The following POTEB3 variants were observed in gnomAD, a reference collection of about 807,000 sequenced individuals.
The protein encoded by POTEB3 is POTE ankyrin domain family member B3.
POTEB3 carries 5 observed loss-of-function variants against 39.8 expected under a neutral mutation model. That is an observed-to-expected ratio of 0.13 (90% CI 0.07 to 0.26). POTEB3 has a LOEUF of 0.26. Ranked by LOEUF, POTEB3 falls within the 10% of genes least tolerant of loss-of-function variation. POTEB3 has a pLI of 1.00. For synonymous variants in POTEB3, 5 were observed against 161.5 expected (o/e 0.03, Z 7.35); for missense variants, 24 against 475.6 (o/e 0.05, Z 8.83).
rs1156957634 is a variant in POTEB3 at position 21,434,366 on chromosome 15, G to GA, written c.810+294dup. ...ATTTTGTCATTTTACATTTGTTAGG[G>GA]AAAAAAAAACTTGGCAGGGAAAAAT... On this transcript the variant is annotated intron_variant, in intron 3 of 10. Transcript: ENST00000611217. Among the ~76,000 whole-genome samples, 24 of 111,364 alleles carry GA rather than the reference G, an allele frequency of 2.2e-4. No individual in the cohort carries two copies. In the East Asian group the frequency reaches 3.7e-3, roughly 17 times the overall value. The allele number at this position is 111,364 out of a possible 152,430, so 73.1% of individuals were successfully genotyped here.
chr15:21,431,085 A>C (rs1898944500), intron 4 of POTEB3, among the ~76,000 whole-genome samples: 1 of 149,192 alleles, frequency 6.7e-6, no homozygotes, highest in African/African-American at 2.5e-5. Flanking sequence ...TTTGTCACCC[A>C]CCTACAGCTT....
chr15:21,434,040 C>A (rs1169357842), intron 3 of POTEB3, among the ~76,000 whole-genome samples: 1 of 122,024 alleles, frequency 8.2e-6, no homozygotes, highest in African/African-American at 3.7e-5. Context: ...AACACACACA[C>A]ACACACACAC....
chr15:21,434,138 G>T (rs1899096939), intron 3 of POTEB3, among the ~76,000 whole-genome samples: 1 of 141,106 alleles, frequency 7.1e-6, no homozygotes, highest in Admixed American at 7.0e-5. Flanking sequence ...AGTTGGCCTT[G>T]GTATTTCTGA....
chr15:21,414,325 G>A (rs56005316), intron 9 of POTEB3, among the ~76,000 whole-genome samples: 576 of 119,046 alleles, frequency 4.8e-3, no homozygotes, highest in African/African-American at 0.027. Flanking sequence ...TTTTAAAAAA[G>A]GAAAACAGAT....
In POTEB3 at chr15:21,411,024, T is replaced by G. The variant is rs1898311871; in HGVS notation, c.1410-23A>C. On this transcript the variant is annotated intron_variant, in intron 9 of 10. Transcript: ENST00000611217. Reference sequence around the variant, plus strand: ...TCACTAGAAGAAATTTTAATTTTCATGAAATACTGGAGGTGTCCCTAAAAT... The same window carrying G: ...TCACTAGAAGAAATTTTAATTTTCAGGAAATACTGGAGGTGTCCCTAAAAT... 5.6e-6 allele frequency: 6 copies of G among 1,069,614 alleles called. 2 individuals are homozygous for G. Among genetic ancestry groups the G allele is most frequent in the Non-Finnish European group, 7.4e-6 (6 of 811,488 alleles). The allele number at this position is 1,069,614 out of a possible 1,614,324, so 66.3% of individuals were successfully genotyped here.
intron 6 of POTEB3, among the ~76,000 whole-genome samples, chr15:21,422,802 G>T (rs1467459942): frequency 1.3e-5 from 2 of 151,534 alleles, no homozygotes; most frequent in African/African-American, 4.9e-5. Flanking sequence ...CTATGCAGTG[G>T]TTGCAAAACT....
intron 5 of POTEB3, among the ~76,000 whole-genome samples, chr15:21,428,452 CTAT>C (rs1233115985): frequency 1.4e-5 from 2 of 142,128 alleles, no homozygotes; most frequent in African/African-American, 5.3e-5. Context: ...TGATTGTCCA[CTAT>C]TACGGAGTTG....
intron 3 of POTEB3, among the ~76,000 whole-genome samples, chr15:21,433,234 G>A (rs1184350563): frequency 5.3e-5 from 8 of 151,350 alleles, no homozygotes; most frequent in African/African-American, 1.9e-4. Context: ...AAGCAGGAGT[G>A]TATCCGGATT....
intron 9 of POTEB3, among the ~76,000 whole-genome samples, chr15:21,413,655 A>C (rs1451944930): frequency 3.0e-5 from 1 of 33,220 alleles, no homozygotes; most frequent in African/African-American, 4.8e-4. Flanking sequence ...CAGGAAACTT[A>C]CAATCATGGC....
Position 21,414,813 on chromosome 15 carries a change from C to T in POTEB3, c.1410-3812G>A, listed in dbSNP as rs1478220099. Among the ~76,000 whole-genome samples the T allele has an allele frequency of 7.6e-5, 8 of 104,754 alleles. 1 individual carries two copies. Among genetic ancestry groups the T allele is most frequent in the East Asian group, 7.1e-4 (3 of 4,242 alleles). 68.7% of individuals were successfully genotyped at this position (104,754 alleles called of 152,430 possible). A position where few individuals can be genotyped will look rare whatever the true frequency, so the allele number is the denominator to read the frequency against. ...TTTAAATAAAATACTAGTGGCCAGG[C>T]GCAGTGGCTCATGCCTGTAATCCCA... On this transcript the variant is annotated intron_variant, in intron 9 of 10. Coordinates refer to ENST00000611217, the MANE Select transcript of POTEB3 (RefSeq NM_207355.5).
intron 6 of POTEB3, among the ~76,000 whole-genome samples, chr15:21,422,679 A>T (rs1318885287): frequency 2.7e-5 from 4 of 147,890 alleles, no homozygotes; most frequent in Non-Finnish European, 6.0e-5. Flanking sequence ...GGTTAAGAAA[A>T]CAAATTCCTT....
chr15:21,433,537 A>T (rs1279781885), intron 3 of POTEB3, among the ~76,000 whole-genome samples: 1 of 150,658 alleles, frequency 6.6e-6, no homozygotes, highest in Non-Finnish European at 1.5e-5. Context: ...AGTGCAATAG[A>T]CAATTATTTC....
chr15:21,413,873 T>C lies in POTEB3; in HGVS notation c.1410-2872A>G, dbSNP rs1238393179. 4.1e-5 allele frequency among the ~76,000 whole-genome samples: 3 copies of C among 72,400 alleles called. 1 individual carries two copies. The highest frequency in any genetic ancestry group is 2.6e-4 in the African/African-American group (2 of 7,646). 47.5% of individuals were successfully genotyped at this position (72,400 alleles called of 152,430 possible). ...ATTACAATTTGACATGAGATTTGGG[T>C]GGAAACACAAAGCGAAACTATTGGG... On this transcript the variant is annotated intron_variant, in intron 9 of 10. Transcript: ENST00000611217.
At chr15:21,433,714 T>C (rs1899068078) in intron 3 of POTEB3, among the ~76,000 whole-genome samples, 1 of 149,318 alleles carries the variant, frequency 6.7e-6, no homozygotes, top group Non-Finnish European at 1.5e-5. Flanking sequence ...TCTTTTTACT[T>C]ATAAGCCCCT....
chr15:21,425,072 C>T (rs1253469485), intron 6 of POTEB3: 1 of 146,712 alleles, frequency 6.8e-6, no homozygotes, highest in East Asian at 2.0e-4. Flanking sequence ...CCTTAGAATA[C>T]ATTGATACTA....
intron 8 of POTEB3, among the ~76,000 whole-genome samples, chr15:21,419,925 C>T (rs1898467868): frequency 7.9e-6 from 1 of 127,036 alleles, no homozygotes; most frequent in Admixed American, 8.0e-5. Context: ...GCTTTTATTC[C>T]CAAAAACTCT....
At chr15:21,430,881 T>C (rs1295826469) in intron 4 of POTEB3, among the ~76,000 whole-genome samples, 2 of 151,892 alleles carry the variant, frequency 1.3e-5, no homozygotes, top group Non-Finnish European at 1.5e-5. Context: ...AAGCATGTGC[T>C]ACGCACTGAA....
chr15:21,419,686 CT>C (rs1356311104), intron 8 of POTEB3, 56 bp from the exon 9 acceptor site: 3 of 331,160 alleles, frequency 9.1e-6, no homozygotes, highest in Admixed American at 5.8e-5. Flanking sequence ...TAAAAATAAC[CT>C]TTTTAATTGA....
At chr15:21,434,402 A>G (rs1349294714) in intron 3 of POTEB3, among the ~76,000 whole-genome samples, 1 of 115,646 alleles carries the variant, frequency 8.6e-6, no homozygotes, top group Non-Finnish European at 1.8e-5. Context: ...TGAAAAAAAA[A>G]AAGTATTACC....
Sources: allele counts gnomAD v4.1 joint callset (sites outside exome capture counted in the v4.1 genomes callset), GRCh38; gene constraint gnomAD v4.1.1; transcripts MANE v1.5; gene names NCBI Gene and HGNC (gene_info 2026-07-23, HGNC 2026-07-21).